NCAM1: variants seen among roughly 807,000 people sequenced by gnomAD.
NCAM1 encodes the protein neural cell adhesion molecule 1.
In NCAM1, 14 loss-of-function variants were observed where a neutral mutation model predicts 109.8. That is an observed-to-expected ratio of 0.13 (90% CI 0.08 to 0.20). The LOEUF is 0.20. Ranked by LOEUF, NCAM1 falls within the 10% of genes least tolerant of loss-of-function variation. NCAM1 has a pLI of 1.00. For synonymous variants in NCAM1, 418 were observed against 442.9 expected (o/e 0.94, Z 0.70); for missense variants, 774 against 1,109.9 (o/e 0.70, Z 4.30).
At chr11:113,267,754 C>T (rs1406228293) in intron 17 of NCAM1, among the ~76,000 whole-genome samples, 1 of 152,178 alleles carries the variant, frequency 6.6e-6, no homozygotes, top group Non-Finnish European at 1.5e-5. Flanking sequence ...CCCTGCCTGG[C>T]CCTCCCCTGG....
intron 1 of NCAM1, among the ~76,000 whole-genome samples, chr11:112,972,932 G>A (rs782430118): frequency 2.0e-5 from 3 of 152,094 alleles, no homozygotes; most frequent in Non-Finnish European, 2.9e-5. Context: ...GCATCACCAC[G>A]GAAAAGAGCC....
chr11:113,065,949 A>G (rs1389843290), intron 1 of NCAM1, among the ~76,000 whole-genome samples: 1 of 152,230 alleles, frequency 6.6e-6, no homozygotes, highest in Non-Finnish European at 1.5e-5. Context: ...ACAATTTTTT[A>G]AAACAATCTA....
chr11:112,996,049 AT>A (rs200907220), intron 1 of NCAM1, among the ~76,000 whole-genome samples: 1 of 152,002 alleles, frequency 6.6e-6, no homozygotes, highest in South Asian at 2.1e-4. Flanking sequence ...CACTGTTTTG[AT>A]TTTTTTTAAA....
intron 1 of NCAM1, among the ~76,000 whole-genome samples, chr11:113,008,088 A>G (rs1456769910): frequency 1.3e-5 from 2 of 152,236 alleles, no homozygotes; most frequent in African/African-American, 4.8e-5. Context: ...CTTACAACAC[A>G]TGGAGACTTA....
chr11:113,031,724 C>A (rs140750408), intron 1 of NCAM1, among the ~76,000 whole-genome samples: 22 of 151,784 alleles, frequency 1.4e-4, no homozygotes, highest in Non-Finnish European at 2.6e-4. Flanking sequence ...GAAAAAAGGA[C>A]ACTTGTTTAT....
At chr11:113,228,199 C>A (rs1944904663) in intron 9 of NCAM1, among the ~76,000 whole-genome samples, 1 of 152,080 alleles carries the variant, frequency 6.6e-6, no homozygotes, top group Admixed American at 6.6e-5. Context: ...ATCTCAGCCC[C>A]AAATCTCCTT....
chr11:113,104,207 T>TGGGGGGGGGGGGGGGGGGGG (rs1345382907), intron 1 of NCAM1, among the ~76,000 whole-genome samples: 1 of 19,270 alleles, frequency 5.2e-5, no homozygotes, highest in African/African-American at 2.2e-4. Context: ...GGAGGTGGGG[T>TGGGGGGGGGGGGGGGGGGGG]GGGGGGGGGG....
chr11:113,132,821 C>T (rs1428791743), intron 1 of NCAM1: 1 of 152,218 alleles, frequency 6.6e-6, no homozygotes, highest in Non-Finnish European at 1.5e-5. Flanking sequence ...CCATAGAGGT[C>T]TGTCCTACCC....
chr11:113,272,371 T>C (rs1946301438), intron 19 of NCAM1, among the ~76,000 whole-genome samples: 1 of 152,094 alleles, frequency 6.6e-6, no homozygotes, highest in African/African-American at 2.4e-5. Flanking sequence ...TCAAGGATCT[T>C]ATGGGCTTAA....
intron 1 of NCAM1, among the ~76,000 whole-genome samples, chr11:113,147,586 C>G (rs1435821740): frequency 2.2e-4 from 34 of 152,336 alleles, no homozygotes; most frequent in Admixed American, 1.8e-3. Context: ...GATTCAGAAA[C>G]GCAGATTGCA....
At chr11:113,256,970 T>C (rs1214980161) in intron 16 of NCAM1, among the ~76,000 whole-genome samples, 9 of 152,232 alleles carry the variant, frequency 5.9e-5, no homozygotes, top group African/African-American at 1.9e-4. Context: ...TCAGCTCCTG[T>C]GGAAGTGATA....
At chr11:113,123,635 C>T (rs1214787827) in intron 1 of NCAM1, among the ~76,000 whole-genome samples, 4 of 152,172 alleles carry the variant, frequency 2.6e-5, no homozygotes, top group East Asian at 3.9e-4. Flanking sequence ...GGGAGACATC[C>T]AAATACTGGC....
Position 113,270,264 on chromosome 11 carries a change from G to C in NCAM1, c.2208G>C (p.Leu736=). ...TCATCGTCATCTTCGTCCTGCTCCT[G>C]GTGGTTGTGGACATCACCTGCTACT... ...GILIVIFVLL[L]VVVDITCYFL... Residue 736 remains leucine, a synonymous_variant, in exon 18 of 20, where the codon CTG becomes CTC. Transcript: ENST00000316851. 1 of 1,614,048 alleles carries C rather than the reference G, an allele frequency of 6.2e-7. No individual in the cohort carries two copies. Among genetic ancestry groups the C allele is most frequent in the Non-Finnish European group, 8.5e-7 (1 of 1,179,900 alleles).
intron 1 of NCAM1, among the ~76,000 whole-genome samples, chr11:113,065,364 T>C (rs1466365478): frequency 3.3e-5 from 5 of 152,146 alleles, no homozygotes; most frequent in Non-Finnish European, 7.4e-5. Context: ...GGGGAGAACA[T>C]AGCCCCCTCC....
At chr11:113,246,303 C>T (rs45525333) in intron 14 of NCAM1, 65 bp from the exon 15 acceptor site, 18 of 717,132 alleles carry the variant, frequency 2.5e-5, no homozygotes, top group Admixed American at 9.7e-5. Flanking sequence ...CATGTGCGTG[C>T]GTATCATGTG....
chr11:113,045,384 G>A (rs75535995), intron 1 of NCAM1, among the ~76,000 whole-genome samples: 448 of 152,172 alleles, frequency 2.9e-3, no homozygotes, highest in African/African-American at 0.01. Flanking sequence ...TCGGCAGCTC[G>A]GCAGGTGAGG....
chr11:113,177,774 T>C (rs1943210598), intron 1 of NCAM1, among the ~76,000 whole-genome samples: 1 of 152,130 alleles, frequency 6.6e-6, no homozygotes. Flanking sequence ...GCCCCTGTCA[T>C]GGGCAGGGTC....
intron 1 of NCAM1, among the ~76,000 whole-genome samples, chr11:113,066,299 T>A (rs782662043): frequency 6.6e-6 from 1 of 152,256 alleles, no homozygotes; most frequent in Non-Finnish European, 1.5e-5. Context: ...AGATTGTTTA[T>A]GTACAGAAAT....
At chr11:113,161,190 A>G (rs61691816) in intron 1 of NCAM1, among the ~76,000 whole-genome samples, 1,928 of 152,316 alleles carry the variant, frequency 0.013, 37 homozygotes, top group African/African-American at 0.044. Flanking sequence ...AGAGCCCCCC[A>G]AGAGATGATT....
Sources: allele counts gnomAD v4.1 joint callset (sites outside exome capture counted in the v4.1 genomes callset), GRCh38; gene constraint gnomAD v4.1.1; transcripts MANE v1.5; gene names NCBI Gene and HGNC (gene_info 2026-07-23, HGNC 2026-07-21).